The following WDR72 variants were observed in gnomAD, a reference collection of about 807,000 sequenced individuals.
The protein encoded by WDR72 is WD repeat-containing protein 72.
Under a neutral mutation model 124.2 loss-of-function variants are expected in WDR72, and 120 were observed. The observed-to-expected ratio is 0.97, with a 90% CI of 0.83 to 1.12. The LOEUF is 1.12. Among genes scored for constraint, WDR72 ranks in the 50% most tolerant of loss-of-function variants. The probability of loss-of-function intolerance (pLI) is 0.00; values close to 1 mark genes in which losing one functional copy is unlikely to be tolerated. For synonymous variants in WDR72, 452 were observed against 441.7 expected (o/e 1.02, Z -0.29); for missense variants, 1,387 against 1,278.8 (o/e 1.08, Z -1.29).
At chr15:53,727,380 G>A (rs2018073052) in intron 2 of WDR72, among the ~76,000 whole-genome samples, 1 of 152,010 alleles carries the variant, frequency 6.6e-6, no homozygotes. Context: ...ATATTAATGA[G>A]GACAAATTAT....
At chr15:53,737,631 C>T (rs1054803553) in intron 1 of WDR72, among the ~76,000 whole-genome samples, 2 of 152,070 alleles carry the variant, frequency 1.3e-5, no homozygotes, top group Non-Finnish European at 2.9e-5. Flanking sequence ...AGATACTCAA[C>T]AGCAGAGTCT....
intron 14 of WDR72, among the ~76,000 whole-genome samples, chr15:53,648,930 G>C (rs1164908022): frequency 7.2e-6 from 1 of 138,388 alleles, no homozygotes; most frequent in East Asian, 1.9e-4. Context: ...AAACCCAAAA[G>C]AGAGCTTACA....
intron 18 of WDR72, among the ~76,000 whole-genome samples, chr15:53,538,179 T>G (rs1351891873): frequency 6.6e-6 from 1 of 152,156 alleles, no homozygotes; most frequent in Non-Finnish European, 1.5e-5. Flanking sequence ...ATATTAGCCT[T>G]TTAGAGAACT....
intron 13 of WDR72, among the ~76,000 whole-genome samples, chr15:53,678,112 T>C (rs1436173596): frequency 2.6e-5 from 4 of 152,102 alleles, no homozygotes; most frequent in African/African-American, 9.7e-5. Flanking sequence ...TGGTTGGCAA[T>C]ACAGAGAAGA....
intron 18 of WDR72, among the ~76,000 whole-genome samples, chr15:53,586,765 T>G (rs1320530382): frequency 6.6e-6 from 1 of 152,042 alleles, no homozygotes; most frequent in African/African-American, 2.4e-5. Flanking sequence ...GGAGACAGAA[T>G]GGCTGATGAT....
intron 17 of WDR72, among the ~76,000 whole-genome samples, chr15:53,603,467 G>T (rs963798398): frequency 1.3e-5 from 2 of 152,056 alleles, no homozygotes; most frequent in African/African-American, 4.8e-5. Context: ...ATTCAACACA[G>T]TATTGGAATT....
rs781256041 is a variant in WDR72 at position 53,665,668 on chromosome 15, C to G, written c.1866G>C (p.Glu622Asp). 10 of 1,613,764 alleles carry G rather than the reference C, an allele frequency of 6.2e-6. No individual in the cohort carries two copies. The Admixed American group carries it at 1.7e-4, about 27-fold the overall frequency. The change falls in exon 14 of 20, where the codon GAG (glutamate) becomes GAC (aspartate). Residue 622 changes from glutamate to aspartate, a missense_variant. Transcript: ENST00000360509. ...GTTCTATACTTTTGTGCTTAAGTGT[C>G]TCTGAGGCAATGGGAAGTACAGACT... ...LVKSVLPIAS[E>D]TLKHKSIEQR...
At chr15:53,708,877 C>T (rs999894407) in intron 9 of WDR72, among the ~76,000 whole-genome samples, 2 of 152,136 alleles carry the variant, frequency 1.3e-5, no homozygotes, top group Admixed American at 1.3e-4. Flanking sequence ...CAGCAATTAC[C>T]AGCTGTGATT....
chr15:53,735,763 A>G (rs757604425), intron 1 of WDR72, among the ~76,000 whole-genome samples: 31 of 152,144 alleles, frequency 2.0e-4, no homozygotes, highest in Non-Finnish European at 3.7e-4. Flanking sequence ...TTAGTACCCC[A>G]GGAACTAATA....
In WDR72 at chr15:53,669,913, CTT is replaced by C. The variant is rs540090373; in HGVS notation, c.1766-4147_1766-4146del. ...GAGTACTTTTGCTTTCCAAAGTAAA[CTT>C]AATGATAATTAGAATTTTATTTCAT... On this transcript the variant is annotated intron_variant, in intron 13 of 19. Transcript: ENST00000360509. Among the ~76,000 whole-genome samples the C allele has an allele frequency of 1.1e-4, 16 of 152,272 alleles. No homozygotes were observed. The South Asian group carries it at 3.1e-3, about 30-fold the overall frequency.
At chr15:53,645,711 C>G (rs184797828) in intron 14 of WDR72, among the ~76,000 whole-genome samples, 1 of 152,202 alleles carries the variant, frequency 6.6e-6, no homozygotes, top group East Asian at 1.9e-4. Context: ...ATTTTAACTG[C>G]TAGGAGATTC....
intron 3 of WDR72, among the ~76,000 whole-genome samples, chr15:53,719,057 T>A (rs921232846): frequency 5.9e-5 from 9 of 152,118 alleles, no homozygotes; most frequent in African/African-American, 2.2e-4. Flanking sequence ...CCACCATTCT[T>A]CCATACACTT....
At chr15:53,579,228 GAGTTAACACAAACAGACTTTT>G (rs1398158908) in intron 18 of WDR72, among the ~76,000 whole-genome samples, 1 of 152,110 alleles carries the variant, frequency 6.6e-6, no homozygotes, top group Non-Finnish European at 1.5e-5. Flanking sequence ...TTTAAGTAGA[GAGTTAACACAAACAGACTTTT>G]ATGGGATTTC....
chr15:53,560,158 A>G (rs1166759548), intron 18 of WDR72, among the ~76,000 whole-genome samples: 2 of 151,912 alleles, frequency 1.3e-5, no homozygotes, highest in Non-Finnish European at 2.9e-5. Flanking sequence ...CTAGATGATG[A>G]AAAGCTGTCC....
chr15:53,621,292 G>A (rs562188177), intron 14 of WDR72, among the ~76,000 whole-genome samples: 3 of 151,836 alleles, frequency 2.0e-5, no homozygotes, highest in East Asian at 3.9e-4. Flanking sequence ...CCACTACTGG[G>A]TATGCACCCA....
intron 19 of WDR72, among the ~76,000 whole-genome samples, chr15:53,519,689 A>G (rs1566938016): frequency 6.6e-6 from 1 of 152,038 alleles, no homozygotes; most frequent in Non-Finnish European, 1.5e-5. Flanking sequence ...TGCTTTGCCT[A>G]CCTTAATGGA....
At chr15:53,642,171 G>A (rs944147775) in intron 14 of WDR72, among the ~76,000 whole-genome samples, 2 of 151,950 alleles carry the variant, frequency 1.3e-5, no homozygotes, top group Non-Finnish European at 2.9e-5. Flanking sequence ...GATATATGCA[G>A]TAGTATTAAG....
Position 53,613,722 on chromosome 15 carries a change from C to A in WDR72, c.2816G>T (p.Arg939Ile). The A allele has an allele frequency of 6.2e-7, 1 of 1,610,856 alleles. No individual in the cohort carries two copies. ...ATTTAAAATGTCATTCCCAGCACCTCTCATCTTATTATGTATACTTTCCAT... is the reference window on the plus strand; with the variant it reads ...ATTTAAAATGTCATTCCCAGCACCTATCATCTTATTATGTATACTTTCCAT... ...FRMESIHNKM[R>I]GAGNDILNMS... is the part of the protein sequence containing the mutation. Residue 939 changes from arginine (R) to isoleucine (I), a missense_variant, in exon 16 of 20, where the codon AGA (arginine) becomes ATA (isoleucine). Arg to Ile is a moderately conservative substitution (Grantham distance 97, BLOSUM62 -3). Transcript: ENST00000360509.
intron 14 of WDR72, among the ~76,000 whole-genome samples, chr15:53,664,409 T>TTGATTTAGCAATCCCACTTCC (rs2015709464): frequency 7.2e-5 from 11 of 152,180 alleles, no homozygotes; most frequent in African/African-American, 2.7e-4. Flanking sequence ...ATCAGTCCTC[T>TTGATTTAGCAATCCCACTTCC]AAACCTAAAA....
Sources: allele counts gnomAD v4.1 joint callset (sites outside exome capture counted in the v4.1 genomes callset), GRCh38; gene constraint gnomAD v4.1.1; transcripts MANE v1.5; gene names NCBI Gene and HGNC (gene_info 2026-07-23, HGNC 2026-07-21).